KCNB2: variants seen among roughly 807,000 people sequenced by gnomAD.
The protein encoded by KCNB2 is potassium voltage-gated channel subfamily B member 2, also known as delayed rectifier potassium channel protein.
A neutral mutation model predicts 61.5 loss-of-function variants in KCNB2; 15 were observed. That is an observed-to-expected ratio of 0.24 (90% confidence interval 0.16 to 0.38). The LOEUF (loss-of-function observed/expected upper bound fraction) is 0.38, where lower values mean the gene tolerates loss of function less well. Among genes scored for constraint, KCNB2 ranks in the 10% least tolerant of loss-of-function variants. The probability of loss-of-function intolerance (pLI) is 1.00; values close to 1 mark genes in which losing one functional copy is unlikely to be tolerated. For missense variants in KCNB2, 828 were observed against 1,125.2 expected (o/e 0.74, Z 3.78); for synonymous variants, 457 against 446.0 (o/e 1.02, Z -0.31).
chr8:72,720,806 C>T (rs1807536256), intron 2 of KCNB2, among the ~76,000 whole-genome samples: 1 of 152,174 alleles, frequency 6.6e-6, no homozygotes, highest in South Asian at 2.1e-4. Flanking sequence ...TACTCAATCT[C>T]AATAACATAT....
intron 2 of KCNB2, among the ~76,000 whole-genome samples, chr8:72,770,610 C>T (rs1808542224): frequency 6.6e-6 from 1 of 152,150 alleles, no homozygotes; most frequent in Non-Finnish European, 1.5e-5. Context: ...CAAGTTACTT[C>T]CTAGGCAACA....
chr8:72,599,822 T>C (rs1007379972), intron 2 of KCNB2, among the ~76,000 whole-genome samples: 3 of 152,184 alleles, frequency 2.0e-5, no homozygotes, highest in Non-Finnish European at 2.9e-5. Context: ...AAGACATTTA[T>C]GTAGCCAAAA....
chr8:72,740,912 C>CT (rs1389262407), intron 2 of KCNB2, among the ~76,000 whole-genome samples: 1 of 152,082 alleles, frequency 6.6e-6, no homozygotes, highest in African/African-American at 2.4e-5. Flanking sequence ...AATATTGTAA[C>CT]TTTGGGTATT....
chr8:72,676,286 T>C (rs1048628162), intron 2 of KCNB2, among the ~76,000 whole-genome samples: 6 of 152,128 alleles, frequency 3.9e-5, no homozygotes, highest in Admixed American at 2.0e-4. Flanking sequence ...CAATAATCAA[T>C]GTGCATTCAC....
intron 2 of KCNB2, among the ~76,000 whole-genome samples, chr8:72,606,451 T>A (rs1805453492): frequency 6.6e-6 from 1 of 152,228 alleles, no homozygotes; most frequent in Non-Finnish European, 1.5e-5. Context: ...CTAATTATTA[T>A]CTCTGCATGG....
intron 2 of KCNB2, among the ~76,000 whole-genome samples, chr8:72,584,248 A>G (rs1372746155): frequency 1.3e-5 from 2 of 152,212 alleles, no homozygotes; most frequent in African/African-American, 4.8e-5. Flanking sequence ...ACATATAGAC[A>G]CACATATAAA....
intron 2 of KCNB2, among the ~76,000 whole-genome samples, chr8:72,687,041 C>A (rs1019276835): frequency 2.6e-4 from 40 of 152,272 alleles, no homozygotes; most frequent in Admixed American, 9.2e-4. Context: ...TGTGGGAAGT[C>A]ACTTGAGAAT....
intron 2 of KCNB2, among the ~76,000 whole-genome samples, chr8:72,773,181 T>G (rs1808589151): frequency 6.6e-6 from 1 of 152,216 alleles, no homozygotes; most frequent in African/African-American, 2.4e-5. Context: ...GCTTAGCATC[T>G]GTCGTGTGAA....
At chr8:72,901,740 C>T (rs1200476932) in intron 2 of KCNB2, among the ~76,000 whole-genome samples, 1 of 152,128 alleles carries the variant, frequency 6.6e-6, no homozygotes, top group African/African-American at 2.4e-5. Context: ...TTTGCTGAGT[C>T]AAGGTATATG....
At chr8:72,923,523 G>A (rs1348362875) in intron 2 of KCNB2, among the ~76,000 whole-genome samples, 1 of 151,986 alleles carries the variant, frequency 6.6e-6, no homozygotes, top group Admixed American at 6.6e-5. Flanking sequence ...AATTCCAAAG[G>A]GTGGAGCACA....
At chr8:72,630,279 T>G (rs779199913) in intron 2 of KCNB2, among the ~76,000 whole-genome samples, 1 of 151,268 alleles carries the variant, frequency 6.6e-6, no homozygotes, top group African/African-American at 2.4e-5. Flanking sequence ...TTCAAGCAAA[T>G]TTTTTTTTCT....
intron 2 of KCNB2, among the ~76,000 whole-genome samples, chr8:72,763,202 A>G (rs1219742290): frequency 1.3e-5 from 2 of 152,076 alleles, no homozygotes; most frequent in African/African-American, 4.8e-5. Flanking sequence ...CGAGGGTAGA[A>G]CCTGAAGACT....
At chr8:72,553,103 A>T (rs1050783313) in intron 1 of KCNB2, among the ~76,000 whole-genome samples, 1 of 152,172 alleles carries the variant, frequency 6.6e-6, no homozygotes, top group Non-Finnish European at 1.5e-5. Context: ...ATACAGTTCA[A>T]ATCATTAGCA....
intron 2 of KCNB2, among the ~76,000 whole-genome samples, chr8:72,679,110 T>A (rs1278411737): frequency 6.6e-6 from 1 of 152,228 alleles, no homozygotes; most frequent in Non-Finnish European, 1.5e-5. Flanking sequence ...CCAAATTGAT[T>A]CTTTGGCTGT....
chr8:72,797,791 T>C (rs1809055448), intron 2 of KCNB2, among the ~76,000 whole-genome samples: 2 of 152,200 alleles, frequency 1.3e-5, no homozygotes, highest in South Asian at 4.1e-4. Context: ...GGGTTGCGTG[T>C]AATGCCACTG....
rs186559834 is a variant in KCNB2, at chr8:72,666,930, A to G, written c.579+98617A>G. On this transcript the variant is annotated intron_variant, in intron 2 of 2. Transcript: ENST00000523207. ...TCTACTTATAACACTGAAGTAGAAT[A>G]AAAAAGAACACAGGTTTTGGAGCAG... is the stretch of plus-strand genomic sequence containing the variant. Among the ~76,000 whole-genome samples, 219 of 152,176 alleles carry G rather than the reference A, an allele frequency of 1.4e-3. 1 individual carries two copies. Among genetic ancestry groups the G allele is most frequent in the Non-Finnish European group, 2.7e-3 (181 of 67,994 alleles).
At chr8:72,611,844 AT>A (rs957259386) in intron 2 of KCNB2, among the ~76,000 whole-genome samples, 36 of 148,668 alleles carry the variant, frequency 2.4e-4, no homozygotes, top group Admixed American at 5.4e-4. Context: ...TAAGAAACCC[AT>A]TTTTTTTTTC....
intron 2 of KCNB2, among the ~76,000 whole-genome samples, chr8:72,912,219 A>T (rs768490047): frequency 5.9e-5 from 9 of 152,174 alleles, no homozygotes; most frequent in Non-Finnish European, 1.0e-4. Flanking sequence ...ACAACCCAAA[A>T]TGTGTAACCC....
intron 2 of KCNB2, among the ~76,000 whole-genome samples, chr8:72,584,071 G>A (rs75305398): frequency 0.013 from 2,028 of 150,290 alleles, 17 homozygotes; most frequent in Non-Finnish European, 0.019. Flanking sequence ...CATAATTATC[G>A]TTGTTTAGTG....
Sources: allele counts gnomAD v4.1 joint callset (sites outside exome capture counted in the v4.1 genomes callset), GRCh38; gene constraint gnomAD v4.1.1; transcripts MANE v1.5; gene names NCBI Gene and HGNC (gene_info 2026-07-23, HGNC 2026-07-21).